ZNF385D: variants seen among roughly 807,000 people sequenced by gnomAD.
ZNF385D encodes zinc finger protein 385D.
A neutral mutation model predicts 35.8 loss-of-function variants in ZNF385D; 15 were observed. The ratio of observed to expected loss-of-function variants is 0.42; its 90% CI spans 0.28 to 0.64. The LOEUF (loss-of-function observed/expected upper bound fraction) is 0.64, where lower values mean the gene tolerates loss of function less well. Ranked by LOEUF, ZNF385D falls within the 30% of genes least tolerant of loss-of-function variation. The pLI is 0.23. For synonymous variants in ZNF385D, 212 were observed against 186.8 expected, an observed-to-expected ratio of 1.13 and a Z score of -1.10; for missense variants, 474 against 494.6, an observed-to-expected ratio of 0.96 and a Z score of 0.39.
chr3:21,961,260 C>G (rs1396012872), intron 3 of ZNF385D, among the ~76,000 whole-genome samples: 2 of 151,804 alleles, frequency 1.3e-5, no homozygotes, highest in African/African-American at 4.8e-5. Context: ...TAAAAAAGGT[C>G]TTGGTATTTG....
At chr3:22,265,166 A>T (rs2125351845) in intron 2 of ZNF385D, among the ~76,000 whole-genome samples, 1 of 152,104 alleles carries the variant, frequency 6.6e-6, no homozygotes, top group East Asian at 1.9e-4. Context: ...ATATAATTGC[A>T]AATTGTGGTA....
chr3:21,519,287 T>A (rs1323482270), intron 3 of ZNF385D, among the ~76,000 whole-genome samples: 1 of 152,182 alleles, frequency 6.6e-6, no homozygotes, highest in Non-Finnish European at 1.5e-5. Flanking sequence ...GCAAAGAAAG[T>A]ACTTTGTCAC....
chr3:21,575,450 G>T (rs991461603), intron 2 of ZNF385D, among the ~76,000 whole-genome samples: 4 of 152,114 alleles, frequency 2.6e-5, no homozygotes, highest in African/African-American at 9.7e-5. Context: ...TGATGATTTG[G>T]TCAAAAGTAG....
rs1390864074 is a variant in ZNF385D, at chr3:21,437,972, G to C, written c.440-769C>G. On this transcript the variant is annotated intron_variant, in intron 4 of 7. Transcript: ENST00000281523. ...CGCAGGATGGCCACACCATGCTGTT[G>C]TCACATTGTTTTAAGAGTTAAATGA... Among the ~76,000 whole-genome samples, 3 of 152,078 alleles carry C rather than the reference G, an allele frequency of 2.0e-5. No homozygotes were observed. In the East Asian group the frequency reaches 5.8e-4, roughly 29 times the overall value.
chr3:21,604,650 C>T (rs143692941), intron 2 of ZNF385D, among the ~76,000 whole-genome samples: 2 of 152,006 alleles, frequency 1.3e-5, no homozygotes, highest in Admixed American at 6.6e-5. Context: ...CTGAGAATAG[C>T]GGTTCTGGTG....
intron 3 of ZNF385D, among the ~76,000 whole-genome samples, chr3:21,974,474 G>C (rs892231260): frequency 1.3e-5 from 2 of 151,818 alleles, no homozygotes; most frequent in Non-Finnish European, 2.9e-5. Flanking sequence ...GAAACTACTA[G>C]GAAAAAATTG....
intron 3 of ZNF385D, among the ~76,000 whole-genome samples, chr3:21,842,730 A>G (rs1159353867): frequency 6.6e-6 from 1 of 152,056 alleles, no homozygotes; most frequent in African/African-American, 2.4e-5. Context: ...TGAATGCCAC[A>G]ATGGTAGAGA....
intron 2 of ZNF385D, among the ~76,000 whole-genome samples, chr3:22,313,520 G>T (rs1703706751): frequency 6.6e-6 from 1 of 152,148 alleles, no homozygotes; most frequent in South Asian, 2.1e-4. Context: ...TGAAGAATAT[G>T]GTGTAGATGT....
chr3:22,308,433 C>A (rs991232680), intron 2 of ZNF385D, among the ~76,000 whole-genome samples: 1 of 151,592 alleles, frequency 6.6e-6, no homozygotes, highest in Admixed American at 6.6e-5. Context: ...TAAAACCTGC[C>A]TTTTTTTTCT....
chr3:22,232,635 G>T (rs1046955492), intron 2 of ZNF385D, among the ~76,000 whole-genome samples: 2 of 152,074 alleles, frequency 1.3e-5, no homozygotes, highest in Non-Finnish European at 2.9e-5. Flanking sequence ...GAGAACATGT[G>T]GTGTTTGGTT....
At chr3:21,689,461 T>A (rs952381824) in intron 1 of ZNF385D, among the ~76,000 whole-genome samples, 2 of 152,152 alleles carry the variant, frequency 1.3e-5, no homozygotes, top group African/African-American at 4.8e-5. Context: ...CTTTAGCAAC[T>A]TGAAAAGGGT....
intron 2 of ZNF385D, among the ~76,000 whole-genome samples, chr3:22,292,319 CATT>C (rs1322436218): frequency 7.9e-5 from 12 of 152,034 alleles, no homozygotes; most frequent in East Asian, 1.9e-4. Flanking sequence ...TATATTTACT[CATT>C]ATATTTTTAT....
At chr3:21,750,145 G>C (rs944942620) in intron 1 of ZNF385D, among the ~76,000 whole-genome samples, 2 of 152,238 alleles carry the variant, frequency 1.3e-5, no homozygotes, top group Admixed American at 1.3e-4. Flanking sequence ...TGTACTAGCA[G>C]TAAGTTGCGG....
intron 3 of ZNF385D, among the ~76,000 whole-genome samples, chr3:21,854,160 T>A (rs4103581): frequency 0.038 from 5,830 of 151,620 alleles, 390 homozygotes; most frequent in African/African-American, 0.13. Flanking sequence ...AAGGGCAGTC[T>A]TAACTTTCCT....
intron 3 of ZNF385D, among the ~76,000 whole-genome samples, chr3:21,796,136 T>C (rs1159936300): frequency 6.6e-6 from 1 of 152,144 alleles, no homozygotes; most frequent in Non-Finnish European, 1.5e-5. Context: ...TTCTGGTAGA[T>C]TTTCCTGTTT....
intron 4 of ZNF385D, among the ~76,000 whole-genome samples, chr3:21,504,819 T>A (rs1371245311): frequency 6.6e-6 from 1 of 151,994 alleles, no homozygotes; most frequent in Non-Finnish European, 1.5e-5. Flanking sequence ...GATCCTGGGG[T>A]CCAGCACAGA....
In ZNF385D at chr3:21,419,362, G is replaced by A. The variant is rs981825750; in HGVS notation, c.*1852C>T. 14 of 151,992 alleles carry A rather than the reference G, an allele frequency of 9.2e-5. No homozygotes were observed. The highest frequency in any genetic ancestry group is 3.1e-4 in the African/African-American group (13 of 41,366). The allele number at this position is 151,992 out of a possible 1,614,324, so 9.4% of individuals were successfully genotyped here. A position where few individuals can be genotyped will look rare whatever the true frequency, so the allele number is the denominator to read the frequency against. On this transcript the variant is annotated 3_prime_UTR_variant, in exon 8 of 8. Transcript: ENST00000281523. ...GTGGAGAAGAACTCCAAAAAACCAT[G>A]TTTAATGTTGAGCACCAAGCACGCT...
chr3:21,809,513 G>T (rs907521545), intron 3 of ZNF385D, among the ~76,000 whole-genome samples: 1 of 151,472 alleles, frequency 6.6e-6, no homozygotes, highest in African/African-American at 2.4e-5. Flanking sequence ...TTGAAATAAG[G>T]TATTGAAACA....
intron 2 of ZNF385D, among the ~76,000 whole-genome samples, chr3:22,290,038 G>A (rs1702220248): frequency 6.6e-6 from 1 of 152,152 alleles, no homozygotes; most frequent in African/African-American, 2.4e-5. Flanking sequence ...GAAGTCCCTG[G>A]AAGTGTGATC....
Sources: allele counts gnomAD v4.1 joint callset (sites outside exome capture counted in the v4.1 genomes callset), GRCh38; gene constraint gnomAD v4.1.1; transcripts MANE v1.5; gene names NCBI Gene and HGNC (gene_info 2026-07-23, HGNC 2026-07-21).